The following TNFSF8 variants were observed in gnomAD, a reference collection of about 807,000 sequenced individuals.
TNFSF8 encodes the protein TNF superfamily member 8, also known as tumor necrosis factor ligand superfamily member 8.
TNFSF8 carries 4 observed loss-of-function variants against 22.0 expected under a neutral mutation model. The ratio of observed to expected loss-of-function variants is 0.18; its 90% CI spans 0.09 to 0.42. The LOEUF (loss-of-function observed/expected upper bound fraction) is 0.42, where lower values mean the gene tolerates loss of function less well. Among genes scored for constraint, TNFSF8 ranks in the 10% least tolerant of loss-of-function variants. The probability of loss-of-function intolerance (pLI) is 1.00; values close to 1 mark genes in which losing one functional copy is unlikely to be tolerated. For synonymous variants in TNFSF8, 106 were observed against 112.5 expected (o/e 0.94, Z 0.37); for missense variants, 233 against 281.8 (o/e 0.83, Z 1.24).
chr9:114,916,133 A>C (rs2131346351), intron 2 of TNFSF8, among the ~76,000 whole-genome samples: 1 of 152,336 alleles, frequency 6.6e-6, no homozygotes, highest in South Asian at 2.1e-4. Flanking sequence ...TCTGGCAAAA[A>C]ACAAGCCAAC....
chr9:114,909,591 T>A (rs1450091090), intron 2 of TNFSF8, among the ~76,000 whole-genome samples: 1 of 152,232 alleles, frequency 6.6e-6, no homozygotes, highest in African/African-American at 2.4e-5. Flanking sequence ...GATTTGATGA[T>A]CTGTCTTAAA....
intron 1 of TNFSF8, among the ~76,000 whole-genome samples, chr9:114,925,429 A>G (rs1243238942): frequency 2.6e-5 from 4 of 152,136 alleles, no homozygotes; most frequent in Admixed American, 6.5e-5. Flanking sequence ...CCTCACAGAC[A>G]AGGAATGAGT....
At chr9:114,911,850 A>T (rs539567564) in intron 2 of TNFSF8, among the ~76,000 whole-genome samples, 53 of 152,220 alleles carry the variant, frequency 3.5e-4, no homozygotes, top group African/African-American at 1.3e-3. Flanking sequence ...CTTGGAATTC[A>T]TTTATACTAA....
At position 114,901,843 on chromosome 9, in the gene TNFSF8, C is replaced by G; in HGVS notation, c.*2088G>C. On this transcript the variant is annotated 3_prime_UTR_variant, in exon 4 of 4. Coordinates refer to ENST00000223795, the MANE Select transcript of TNFSF8 (RefSeq NM_001244.4). Reference sequence around the variant, plus strand: ...GAGGTTGACACAGCACACTGCTCAGCAGATGACTTAAAATTTTCCCTTAGC... The same window carrying G: ...GAGGTTGACACAGCACACTGCTCAGGAGATGACTTAAAATTTTCCCTTAGC... 1.1e-6 allele frequency: 1 copy of G among 947,026 alleles called. No individual in the cohort carries two copies. Among genetic ancestry groups the G allele is most frequent in the Non-Finnish European group, 1.3e-6 (1 of 795,030 alleles). The allele number at this position is 947,026 out of a possible 1,614,324, so 58.7% of individuals were successfully genotyped here.
intron 1 of TNFSF8, 99 bp from the exon 2 acceptor site, chr9:114,918,237 A>G: frequency 4.0e-6 from 4 of 988,512 alleles, no homozygotes; most frequent in Non-Finnish European, 5.7e-6. Flanking sequence ...AGTACTGTGC[A>G]ATTTACAATT....
intron 2 of TNFSF8, among the ~76,000 whole-genome samples, chr9:114,911,480 T>C (rs996615312): frequency 6.6e-6 from 1 of 152,062 alleles, no homozygotes; most frequent in African/African-American, 2.4e-5. Context: ...AACTATTAGG[T>C]TGGTGCAAAA....
chr9:114,917,788 A>G (rs1167814542), intron 2 of TNFSF8, among the ~76,000 whole-genome samples: 1 of 152,094 alleles, frequency 6.6e-6, no homozygotes, highest in Non-Finnish European at 1.5e-5. Context: ...TCATTCCCCC[A>G]TTTATCTGAT....
rs113503758 is a variant in TNFSF8 at position 114,908,383 on chromosome 9, C to T, written c.239-2484G>A. Among the ~76,000 whole-genome samples, 155 of 152,354 alleles carry T rather than the reference C, an allele frequency of 1.0e-3. 2 individuals carry two copies. In the South Asian group the frequency reaches 0.031, roughly 30 times the overall value. ...ACACAGGGCCTCATTCTCCCACTGG[C>T]ATTGCAGGTCAGGCTAGATTAGATG... On this transcript the variant is annotated intron_variant, in intron 2 of 3. Transcript: ENST00000223795.
intron 1 of TNFSF8, among the ~76,000 whole-genome samples, chr9:114,923,780 A>G (rs1022791924): frequency 1.3e-5 from 2 of 152,068 alleles, no homozygotes; most frequent in Non-Finnish European, 2.9e-5. Flanking sequence ...TGCCTCCCAA[A>G]GTGTTGGGAT....
rs774403125 is a variant in TNFSF8, at chr9:114,918,183, G to A, written c.196-45C>T. 4.5e-6 allele frequency: 7 copies of A among 1,560,384 alleles called. No homozygotes were observed. The East Asian group carries it at 1.6e-4, about 36-fold the overall frequency. On this transcript the variant is annotated intron_variant, in intron 1 of 3. Transcript: ENST00000223795. ...AAAGCAGCATGAGGTGTGACATTCA[G>A]TTGAAACAACTTTTTTTTTTCTTTT...
At chr9:114,896,135 C>T (rs1159610077) in intron 4 of TNFSF8, among the ~76,000 whole-genome samples, 1 of 152,224 alleles carries the variant, frequency 6.6e-6, no homozygotes, top group African/African-American at 2.4e-5. Context: ...CAATCTTCTC[C>T]ACTTACCAGA....
downstream of TNFSF8, among the ~76,000 whole-genome samples, chr9:114,900,601 C>T (rs551405874): frequency 1.4e-4 from 21 of 152,256 alleles, no homozygotes; most frequent in East Asian, 2.7e-3. Context: ...GCTCTCGCCC[C>T]GGTCACTCTG....
downstream of TNFSF8, among the ~76,000 whole-genome samples, chr9:114,898,041 T>G (rs1827675121): frequency 6.6e-6 from 1 of 151,442 alleles, no homozygotes. Flanking sequence ...CTTGTTCTGT[T>G]GCCCAGGCTG....
intron 1 of TNFSF8, among the ~76,000 whole-genome samples, chr9:114,919,442 C>T (rs1370355834): frequency 6.6e-6 from 1 of 152,128 alleles, no homozygotes; most frequent in East Asian, 1.9e-4. Flanking sequence ...TTAACAGAAG[C>T]AGAGAGGCAC....
chr9:114,911,598 T>C (rs1348497330), intron 2 of TNFSF8, among the ~76,000 whole-genome samples: 1 of 152,226 alleles, frequency 6.6e-6, no homozygotes, highest in East Asian at 1.9e-4. Flanking sequence ...TAGGTGACCC[T>C]GATTTCCAAA....
chr9:114,908,655 A>C (rs867991198), intron 2 of TNFSF8, among the ~76,000 whole-genome samples: 18 of 151,924 alleles, frequency 1.2e-4, no homozygotes, highest in Admixed American at 2.0e-4. Context: ...GAAAAAAAAA[A>C]CACCTTATTT....
At chr9:114,895,568 C>A (rs1827647810) in intron 4 of TNFSF8, among the ~76,000 whole-genome samples, 1 of 152,136 alleles carries the variant, frequency 6.6e-6, no homozygotes, top group East Asian at 1.9e-4. Flanking sequence ...TTTCCTACTC[C>A]TCTCCCCAAG....
intron 3 of TNFSF8, among the ~76,000 whole-genome samples, 179 bp downstream of exon 3, chr9:114,905,649 C>A (rs1248509235): frequency 6.6e-6 from 1 of 152,180 alleles, no homozygotes; most frequent in Non-Finnish European, 1.5e-5. Context: ...GAGAATGACG[C>A]TCTCCCCGCT....
downstream of TNFSF8, among the ~76,000 whole-genome samples, chr9:114,897,250 T>A (rs1187918152): frequency 7.4e-6 from 1 of 135,104 alleles, no homozygotes; most frequent in Non-Finnish European, 1.5e-5. Flanking sequence ...CATTTCCATA[T>A]TTTGAAAAGA....
Sources: allele counts gnomAD v4.1 joint callset (sites outside exome capture counted in the v4.1 genomes callset), GRCh38; gene constraint gnomAD v4.1.1; transcripts MANE v1.5; gene names NCBI Gene and HGNC (gene_info 2026-07-23, HGNC 2026-07-21).